Variants in LDLRAD4 observed in about 807,000 individuals in gnomAD.
LDLRAD4 encodes low density lipoprotein receptor class A domain containing 4, also known as low-density lipoprotein receptor class A domain-containing protein 4.
LDLRAD4 carries 5 observed loss-of-function variants against 17.0 expected under a neutral mutation model. The ratio of observed to expected loss-of-function variants is 0.29; its 90% CI spans 0.15 to 0.62. The LOEUF is 0.62. Ranked by LOEUF, LDLRAD4 falls within the 20% of genes least tolerant of loss-of-function variation. The probability of loss-of-function intolerance (pLI) is 0.84; values close to 1 mark genes in which losing one functional copy is unlikely to be tolerated. For synonymous variants in LDLRAD4, 168 were observed against 171.8 expected, an observed-to-expected ratio of 0.98 and a Z score of 0.17; for missense variants, 340 against 424.7, an observed-to-expected ratio of 0.80 and a Z score of 1.75.
chr18:13,251,050 A>T (rs1367074555), intron 1 of LDLRAD4, among the ~76,000 whole-genome samples: 2 of 152,236 alleles, frequency 1.3e-5, no homozygotes, highest in Non-Finnish European at 2.9e-5. Flanking sequence ...GATTCATCCC[A>T]GGGATGCAAA....
At chr18:13,620,981 G>A in intron 3 of LDLRAD4, 136 bp from the exon 5 acceptor site, 1 of 1,236,092 alleles carries the variant, frequency 8.1e-7, no homozygotes, top group Non-Finnish European at 1.2e-6. Context: ...AGTCGTTTCT[G>A]TGTCCTGCTG....
intron 1 of LDLRAD4, among the ~76,000 whole-genome samples, chr18:13,238,071 A>G (rs770190852): frequency 2.9e-4 from 44 of 152,116 alleles, no homozygotes; most frequent in Non-Finnish European, 4.3e-4. Context: ...ATCCTTACCC[A>G]CAAGCTTGCT....
chr18:13,595,986 A>G (rs2095090614), intron 3 of LDLRAD4, among the ~76,000 whole-genome samples: 1 of 152,134 alleles, frequency 6.6e-6, no homozygotes, highest in Non-Finnish European at 1.5e-5. Flanking sequence ...TCCAGCTATT[A>G]TTCTTAAGTT....
At chr18:13,419,923 A>C (rs898311085) in intron 2 of LDLRAD4, 6 of 152,246 alleles carry the variant, frequency 3.9e-5, no homozygotes, top group Non-Finnish European at 5.9e-5. Flanking sequence ...GGAATAAATC[A>C]TGCCAAGAGC....
Position 13,378,314 on chromosome 18 carries a change from C to T in LDLRAD4, c.-382-9027C>T, listed in dbSNP as rs549055187. Among the ~76,000 whole-genome samples, 3 of 152,290 alleles carry T rather than the reference C, an allele frequency of 2.0e-5. No individual in the cohort carries two copies. In the East Asian group the frequency reaches 5.8e-4, roughly 29 times the overall value. On this transcript the variant is annotated intron_variant, in intron 1 of 5. Transcript: ENST00000359446. ...CTGGGGACAGTTGCAGGTTCACAGG[C>T]TGCCTCGCCCGGCAGAGGGGCATGG... is the stretch of plus-strand genomic sequence containing the variant.
chr18:13,334,645 C>T (rs1382044492), intron 1 of LDLRAD4, among the ~76,000 whole-genome samples: 1 of 152,184 alleles, frequency 6.6e-6, no homozygotes, highest in Non-Finnish European at 1.5e-5. Flanking sequence ...TACACAAAGA[C>T]AGTTTTATTT....
At chr18:13,224,690 C>T (rs2041670261) in intron 1 of LDLRAD4, among the ~76,000 whole-genome samples, 1 of 151,630 alleles carries the variant, frequency 6.6e-6, no homozygotes, top group African/African-American at 2.4e-5. Flanking sequence ...GCGTGTTAGC[C>T]AGGATGGTCT....
At chr18:13,496,546 A>G (rs1047243003) in intron 3 of LDLRAD4, among the ~76,000 whole-genome samples, 7 of 152,208 alleles carry the variant, frequency 4.6e-5, no homozygotes, top group South Asian at 2.1e-4. Flanking sequence ...GGAGATCGAA[A>G]TTCAGCCTTT....
At chr18:13,558,310 T>A (rs1279687289) in intron 3 of LDLRAD4, among the ~76,000 whole-genome samples, 1 of 152,160 alleles carries the variant, frequency 6.6e-6, no homozygotes, top group Non-Finnish European at 1.5e-5. Flanking sequence ...TCCCTGGGGA[T>A]CCGCCCAGGC....
chr18:13,263,224 G>A (rs946240610), intron 1 of LDLRAD4, among the ~76,000 whole-genome samples: 7 of 151,362 alleles, frequency 4.6e-5, no homozygotes, highest in Non-Finnish European at 5.9e-5. Flanking sequence ...GGCTCTGTGC[G>A]TGGGGGCTGA....
chr18:13,353,155 A>G (rs1431680855), intron 1 of LDLRAD4, among the ~76,000 whole-genome samples: 1 of 151,842 alleles, frequency 6.6e-6, no homozygotes, highest in East Asian at 1.9e-4. Flanking sequence ...TTTGTAAGCC[A>G]TGTTTTCCTG....
At chr18:13,553,595 A>G (rs959498651) in intron 3 of LDLRAD4, among the ~76,000 whole-genome samples, 5 of 152,338 alleles carry the variant, frequency 3.3e-5, no homozygotes, top group Non-Finnish European at 7.3e-5. Flanking sequence ...TGTGCCGAGA[A>G]CAGGGAGTGA....
At chr18:13,566,511 T>C (rs1198296002) in intron 3 of LDLRAD4, among the ~76,000 whole-genome samples, 2 of 152,006 alleles carry the variant, frequency 1.3e-5, no homozygotes, top group African/African-American at 2.4e-5. Context: ...TACAGGCGCC[T>C]GCCACCACGC....
intron 3 of LDLRAD4, among the ~76,000 whole-genome samples, chr18:13,442,509 G>A (rs879783165): frequency 2.6e-5 from 4 of 152,234 alleles, no homozygotes; most frequent in Non-Finnish European, 4.4e-5. Flanking sequence ...TGGGGCCCGC[G>A]TGGGGCACGG....
At position 13,424,553 on chromosome 18, in the gene LDLRAD4, A is replaced by G. The variant is rs1050923394; in HGVS notation, c.41-13691A>G. ...ACGTGGGTGAGCAAAGAGACAAGCA[A>G]TGACAGCAAGGTGATTAGCACTGTG... On this transcript the variant is annotated intron_variant, in intron 2 of 5. Transcript: ENST00000359446. Among the ~76,000 whole-genome samples, 18 of 152,270 alleles carry G rather than the reference A, an allele frequency of 1.2e-4. No homozygotes were observed. In the East Asian group the frequency reaches 3.1e-3, roughly 26 times the overall value.
chr18:13,634,027 C>A (rs898058842), intron 4 of LDLRAD4, among the ~76,000 whole-genome samples: 1 of 152,210 alleles, frequency 6.6e-6, no homozygotes, highest in Non-Finnish European at 1.5e-5. Context: ...ATGATAGAAA[C>A]CCTCAACAAA....
At chr18:13,423,884 C>T (rs139297200) in intron 2 of LDLRAD4, among the ~76,000 whole-genome samples, 1 of 152,160 alleles carries the variant, frequency 6.6e-6, no homozygotes, top group Non-Finnish European at 1.5e-5. Flanking sequence ...CGTGTAATCC[C>T]AGCACTTTGG....
At chr18:13,444,521 G>T (rs905024191) in intron 3 of LDLRAD4, among the ~76,000 whole-genome samples, 3 of 152,142 alleles carry the variant, frequency 2.0e-5, no homozygotes, top group Admixed American at 1.3e-4. Flanking sequence ...TTAAGTTTTC[G>T]GGGAGTTGAA....
intron 2 of LDLRAD4, among the ~76,000 whole-genome samples, chr18:13,405,929 T>C (rs1280900462): frequency 2.0e-5 from 3 of 152,324 alleles, no homozygotes; most frequent in African/African-American, 7.2e-5. Context: ...AGGCAGCTTA[T>C]CTTGCTGTGA....
Sources: allele counts gnomAD v4.1 joint callset (sites outside exome capture counted in the v4.1 genomes callset), GRCh38; gene constraint gnomAD v4.1.1; transcripts MANE v1.5; gene names NCBI Gene and HGNC (gene_info 2026-07-23, HGNC 2026-07-21).